NXF3: variants seen among roughly 807,000 people sequenced by gnomAD.
NXF3 encodes the protein nuclear RNA export factor 3, also known as TAP-like protein 3.
In NXF3, 34 loss-of-function variants were observed where a neutral mutation model predicts 48.4. That is an observed-to-expected ratio of 0.70 (90% CI 0.53 to 0.93). NXF3 has a LOEUF of 0.93. NXF3 is among the 40% of genes least tolerant of loss of function. The pLI is 0.00. For synonymous variants in NXF3, 132 were observed against 145.7 expected (o/e 0.91, Z 0.68); for missense variants, 359 against 406.1 (o/e 0.88, Z 1.00).
At chrX:103,080,437 G>T in intron 10 of NXF3, 139 bp downstream of exon 10, 1 of 680,621 alleles carries the variant, frequency 1.5e-6, no homozygotes, top group Non-Finnish European at 2.3e-6. Flanking sequence ...ACATGGGTCC[G>T]TATTCCCTTC....
At chrX:103,085,084 C>A (rs1342091042) in intron 1 of NXF3, among the ~76,000 whole-genome samples, 5 of 111,688 alleles carry the variant, frequency 4.5e-5, no homozygotes, top group African/African-American at 6.5e-5. Flanking sequence ...CCCACCTCAG[C>A]CTCCCAAGTA....
At chrX:103,088,699 A>G in intron 1 of NXF3, 1 of 975,425 alleles carries the variant, frequency 1.0e-6, no homozygotes, top group Non-Finnish European at 1.4e-6. Flanking sequence ...TTCATACTGG[A>G]CAGAGGCCTT....
intron 1 of NXF3, chrX:103,088,761 A>G: frequency 1.8e-6 from 2 of 1,096,259 alleles, no homozygotes; most frequent in Non-Finnish European, 2.4e-6. Flanking sequence ...TCACTTAAAA[A>G]GACATGAACA....
chrX:103,083,716 T>G (rs374285792), intron 3 of NXF3, 24 bp from the exon 4 acceptor site: 122 of 1,103,124 alleles, frequency 1.1e-4, no homozygotes, highest in Middle Eastern at 7.3e-4. Flanking sequence ...AAAGAATGAG[T>G]GAGGAAAGGA....
At chrX:103,077,453 C>T (rs969509730) in intron 18 of NXF3, among the ~76,000 whole-genome samples, 161 bp downstream of exon 18, 4 of 109,984 alleles carry the variant, frequency 3.6e-5, no homozygotes, top group Non-Finnish European at 5.7e-5. Context: ...GGGGTTTCAC[C>T]GTGTTAGCCA....
chrX:103,080,299 G>A (rs749103453), intron 10 of NXF3, 83 bp from the exon 11 acceptor site: 1 of 968,656 alleles, frequency 1.0e-6, no homozygotes, highest in African/African-American at 1.9e-5. Context: ...CCAGGAGAGG[G>A]TGAGATCAGA....
chrX:103,082,671 C>T, intron 8 of NXF3, 89 bp downstream of exon 8: 1 of 767,046 alleles, frequency 1.3e-6, no homozygotes, highest in Admixed American at 2.4e-5. Flanking sequence ...GAGTGAAGGC[C>T]CCCAACAGGG....
intron 19 of NXF3, 36 bp downstream of exon 19, chrX:103,076,205 A>G (rs1454293497): frequency 1.9e-6 from 2 of 1,065,622 alleles, no homozygotes; most frequent in African/African-American, 3.7e-5. Context: ...AGGCCACCCA[A>G]CCTCTGCTCA....
chrX:103,085,013 G>T (rs762364833), intron 1 of NXF3, 130 bp from the exon 2 acceptor site: 13 of 596,677 alleles, frequency 2.2e-5, no homozygotes, highest in Non-Finnish European at 3.5e-5. Flanking sequence ...TGCCCAGACT[G>T]TAGTGCAGTG....
rs965854182 is a variant in NXF3, at chrX:103,079,492, A to G, written c.1220-18T>C. Reference sequence around the variant, plus strand: ...CCGAAGGTCTGTAGAGGAGAAGAGAAGCAAGGATTTGGGGGGCTGCCACAC... The same window carrying G: ...CCGAAGGTCTGTAGAGGAGAAGAGAGGCAAGGATTTGGGGGGCTGCCACAC... On this transcript the variant is annotated intron_variant, in intron 14 of 19. Transcript: ENST00000395065. 17 of 1,199,302 alleles carry G rather than the reference A, an allele frequency of 1.4e-5. No homozygotes were observed. Among genetic ancestry groups the G allele is most frequent in the African/African-American group, 5.3e-5 (3 of 56,969 alleles).
intron 1 of NXF3, among the ~76,000 whole-genome samples, chrX:103,092,303 A>T (rs1236990882): frequency 3.6e-5 from 4 of 110,734 alleles, no homozygotes; most frequent in African/African-American, 1.3e-4. Flanking sequence ...AAGGGAAGTA[A>T]GTGCTGGTTA....
Position 103,083,417 on chromosome X carries a change from C to A in NXF3, c.521G>T (p.Trp174Leu), listed in dbSNP as rs1922068742. 1 of 1,208,805 alleles carries A rather than the reference C, an allele frequency of 8.3e-7. No homozygotes were observed. Among genetic ancestry groups the A allele is most frequent in the Non-Finnish European group, 1.1e-6 (1 of 892,927 alleles). ...YALKNVSGKI[W>L]DEDNEKISIF... is the part of the protein sequence containing the mutation. Reference sequence around the variant, plus strand: ...ACACACCTTTTCATTATCCTCATCCCAAATCTTGCCACTGACATTCTTCAG... The same window carrying A: ...ACACACCTTTTCATTATCCTCATCCAAAATCTTGCCACTGACATTCTTCAG... Residue 174 changes from tryptophan (W) to leucine (L), a missense_variant, in exon 5 of 20, where the codon TGG (tryptophan) becomes TTG (leucine). Transcript: ENST00000395065.
At chrX:103,083,338 C>A in intron 5 of NXF3, 60 bp downstream of exon 5, 2 of 1,169,284 alleles carry the variant, frequency 1.7e-6, no homozygotes, top group Non-Finnish European at 2.3e-6. Context: ...TCAAGCAAGA[C>A]CTTACCCTTG....
At chrX:103,084,268 G>A in intron 3 of NXF3, 74 bp downstream of exon 3, 1 of 1,117,236 alleles carries the variant, frequency 9.0e-7, no homozygotes, top group Non-Finnish European at 1.2e-6. Context: ...AAAGTATCTA[G>A]TGTCCACACA....
chrX:103,090,328 A>G (rs1922244521), intron 1 of NXF3, among the ~76,000 whole-genome samples: 1 of 111,966 alleles, frequency 8.9e-6, no homozygotes, highest in African/African-American at 3.2e-5. Context: ...ATCCTTGTTA[A>G]ATTTTTATTT....
At chrX:103,088,024 G>A in intron 1 of NXF3, 3 of 929,866 alleles carry the variant, frequency 3.2e-6, no homozygotes, top group Non-Finnish European at 4.6e-6. Flanking sequence ...TGGTGAATCT[G>A]AGTAGAATAA....
Position 103,080,234 on chromosome X carries a change from A to G in NXF3, c.928-18T>C, listed in dbSNP as rs200868615. On this transcript the variant is annotated intron_variant, in intron 10 of 19. Coordinates refer to ENST00000395065, the MANE Select transcript of NXF3 (RefSeq NM_022052.2). ...TGGCCATCCTGGGGAAGGCAAGAGG[A>G]AGTCAGTAGTGCAAAGTAGGGAGGT... 245 of 1,199,627 alleles carry G rather than the reference A, an allele frequency of 2.0e-4. 1 individual carries two copies. In the Middle Eastern group the frequency reaches 7.7e-3, roughly 37 times the overall value.
At chrX:103,087,569 C>A in intron 1 of NXF3, 1 of 969,170 alleles carries the variant, frequency 1.0e-6, no homozygotes, top group South Asian at 1.9e-5. Context: ...CAAGAAAAGT[C>A]AACATATGGA....
intron 3 of NXF3, 76 bp downstream of exon 3, chrX:103,084,266 T>C: frequency 9.0e-7 from 1 of 1,110,741 alleles, no homozygotes; most frequent in Non-Finnish European, 1.2e-6. Flanking sequence ...CAAAAGTATC[T>C]AGTGTCCACA....
Sources: gnomAD v4.1 joint callset for allele counts (sites outside exome capture counted in the v4.1 genomes callset) on GRCh38, gnomAD v4.1.1 for gene constraint, MANE v1.5 for transcripts, NCBI Gene and HGNC (gene_info 2026-07-23, HGNC 2026-07-21) for gene names.